ROBO1: variants seen among roughly 807,000 people sequenced by gnomAD.
The protein encoded by ROBO1 is roundabout guidance receptor 1.
ROBO1 carries 149 observed loss-of-function variants against 195.9 expected under a neutral mutation model. The ratio of observed to expected loss-of-function variants is 0.76; its 90% CI spans 0.67 to 0.87. The LOEUF (loss-of-function observed/expected upper bound fraction) is 0.87. Among genes scored for constraint, ROBO1 ranks in the 40% least tolerant of loss-of-function variants. The pLI is 0.00. For synonymous variants in ROBO1, 816 were observed against 733.2 expected, an observed-to-expected ratio of 1.11 and a Z score of -1.82; for missense variants, 1,933 against 2,068.3, an observed-to-expected ratio of 0.93 and a Z score of 1.27.
In ROBO1 at chr3:79,101,036, C is replaced by A. The variant is rs181885207; in HGVS notation, c.172+24420G>T. 2.1e-3 allele frequency among the ~76,000 whole-genome samples: 326 copies of A among 151,720 alleles called. 3 individuals carry two copies. Among genetic ancestry groups the A allele is most frequent in the South Asian group, 0.017 (84 of 4,810 alleles). On this transcript the variant is annotated intron_variant, in intron 3 of 30. Transcript: ENST00000464233. ...GGGCTATGCCAATCTAGCAGATGGT[C>A]AGAGGTATATATTGAAGGTATTTGT...
At chr3:79,361,058 C>G (rs898923961) in intron 2 of ROBO1, among the ~76,000 whole-genome samples, 14 of 152,082 alleles carry the variant, frequency 9.2e-5, no homozygotes, top group African/African-American at 3.1e-4. Flanking sequence ...TTTGTTTAGT[C>G]TGAAGTATTG....
At chr3:79,617,354 G>A (rs1944857425) in intron 1 of ROBO1, among the ~76,000 whole-genome samples, 7 of 152,106 alleles carry the variant, frequency 4.6e-5, no homozygotes, top group Admixed American at 4.6e-4. Context: ...TAATCTTCCT[G>A]AGACCTCCAC....
chr3:78,767,613 G>A (rs1012244200), intron 4 of ROBO1, among the ~76,000 whole-genome samples: 1 of 152,094 alleles, frequency 6.6e-6, no homozygotes, highest in Non-Finnish European at 1.5e-5. Context: ...CTTGTTGTTG[G>A]TCTGTTCAGG....
intron 4 of ROBO1, among the ~76,000 whole-genome samples, chr3:78,748,993 A>G (rs1314334018): frequency 1.3e-5 from 2 of 152,196 alleles, no homozygotes; most frequent in Non-Finnish European, 2.9e-5. Context: ...TTACCACATA[A>G]TAAAAGAACA....
At chr3:78,851,774 A>G (rs1013269364) in intron 4 of ROBO1, among the ~76,000 whole-genome samples, 2 of 152,224 alleles carry the variant, frequency 1.3e-5, no homozygotes, top group Non-Finnish European at 2.9e-5. Flanking sequence ...ATATTTAAGA[A>G]TAAAACAACA....
At chr3:78,731,003 T>C (rs2082273424) in intron 5 of ROBO1, among the ~76,000 whole-genome samples, 1 of 152,084 alleles carries the variant, frequency 6.6e-6, no homozygotes, top group South Asian at 2.1e-4. Context: ...TGAGAACTAA[T>C]AATTAACTCA....
intron 2 of ROBO1, among the ~76,000 whole-genome samples, chr3:79,334,217 T>C (rs915329870): frequency 2.0e-5 from 3 of 150,906 alleles, no homozygotes; most frequent in Non-Finnish European, 4.4e-5. Flanking sequence ...GCAAGTTAAT[T>C]GGTTGAACCT....
At chr3:78,994,091 A>G (rs1193849146) in intron 3 of ROBO1, among the ~76,000 whole-genome samples, 1 of 152,178 alleles carries the variant, frequency 6.6e-6, no homozygotes, top group East Asian at 1.9e-4. Flanking sequence ...ATTGATCTAT[A>G]TAGATATCAG....
intron 5 of ROBO1, among the ~76,000 whole-genome samples, chr3:78,743,119 A>T (rs1469524702): frequency 6.6e-6 from 1 of 152,136 alleles, no homozygotes; most frequent in East Asian, 1.9e-4. Context: ...TTCAAAACGC[A>T]AGACTACAAT....
intron 4 of ROBO1, among the ~76,000 whole-genome samples, chr3:78,789,857 T>C (rs1293779778): frequency 6.6e-6 from 1 of 152,188 alleles, no homozygotes; most frequent in Non-Finnish European, 1.5e-5. Context: ...CATTTCATCA[T>C]TTTCAGCCAC....
chr3:79,264,408 TTTAA>T lies in ROBO1; in HGVS notation c.89-138873_89-138870del, dbSNP rs531136244. 3.7e-3 allele frequency among the ~76,000 whole-genome samples: 557 copies of T among 152,018 alleles called. 4 individuals are homozygous for T. Among genetic ancestry groups the T allele is most frequent in the Middle Eastern group, 0.01 (3 of 294 alleles). ...AGTCTATCTCCTCATTATCATGTTA[TTTAA>T]TTTTCTTTATCACAATTTAACTTTG... On this transcript the variant is annotated intron_variant, in intron 2 of 30. Transcript: ENST00000464233.
intron 2 of ROBO1, among the ~76,000 whole-genome samples, chr3:79,296,945 T>C (rs1258060168): frequency 6.6e-6 from 1 of 152,198 alleles, no homozygotes; most frequent in Non-Finnish European, 1.5e-5. Context: ...TTTAAACCTA[T>C]GAATTTACAT....
intron 2 of ROBO1, among the ~76,000 whole-genome samples, chr3:79,526,903 A>G (rs1941455516): frequency 6.6e-6 from 1 of 152,190 alleles, no homozygotes; most frequent in Admixed American, 6.5e-5. Flanking sequence ...CTGTATTCTA[A>G]CAAGTTGTCT....
chr3:79,036,714 C>A (rs567569028), intron 3 of ROBO1, among the ~76,000 whole-genome samples: 1 of 152,022 alleles, frequency 6.6e-6, no homozygotes, highest in Non-Finnish European at 1.5e-5. Context: ...TAAAGAAGGT[C>A]TCTGTGTGCC....
rs763359995 is a variant in ROBO1, at chr3:79,458,076, G to A, written c.88+131748C>T. On this transcript the variant is annotated intron_variant, in intron 2 of 30. Coordinates refer to ENST00000464233, the MANE Select transcript of ROBO1 (RefSeq NM_002941.4). ...ATTCTAGGAGTTAAGAGGCTTTGGG[G>A]CAAAAAAGAAAAGCATCCTCACAGA... 2.2e-4 allele frequency among the ~76,000 whole-genome samples: 33 copies of A among 151,834 alleles called. 1 individual carries two copies. The highest frequency in any genetic ancestry group is 4.6e-4 in the Non-Finnish European group (31 of 67,958).
chr3:79,081,064 C>A (rs2079264333), intron 3 of ROBO1, among the ~76,000 whole-genome samples: 1 of 151,942 alleles, frequency 6.6e-6, no homozygotes, highest in Admixed American at 6.6e-5. Flanking sequence ...AGAAGAAAAT[C>A]GACTTATAGT....
intron 23 of ROBO1, among the ~76,000 whole-genome samples, chr3:78,635,291 C>T (rs1012615442): frequency 1.3e-5 from 2 of 152,144 alleles, no homozygotes; most frequent in Non-Finnish European, 2.9e-5. Flanking sequence ...AATAACCACA[C>T]GAGGTGGGAG....
chr3:79,493,405 T>C (rs186543743), intron 2 of ROBO1, among the ~76,000 whole-genome samples: 62 of 152,104 alleles, frequency 4.1e-4, no homozygotes, highest in African/African-American at 1.4e-3. Flanking sequence ...AAATTAAAAA[T>C]GATTCATTTA....
intron 3 of ROBO1, among the ~76,000 whole-genome samples, chr3:79,067,738 C>T (rs1159674809): frequency 6.6e-6 from 1 of 151,932 alleles, no homozygotes; most frequent in African/African-American, 2.4e-5. Context: ...TAAAACTTAG[C>T]AGCTAAATTA....
Sources: gnomAD v4.1 joint callset for allele counts (sites outside exome capture counted in the v4.1 genomes callset) on GRCh38, gnomAD v4.1.1 for gene constraint, MANE v1.5 for transcripts, NCBI Gene and HGNC (gene_info 2026-07-23, HGNC 2026-07-21) for gene names.